PARVB: variants seen among roughly 807,000 people sequenced by gnomAD.
The protein encoded by PARVB is beta-parvin.
Under a neutral mutation model 47.0 loss-of-function variants are expected in PARVB, and 46 were observed. The observed-to-expected ratio is 0.98, with a 90% CI of 0.77 to 1.25. The LOEUF (loss-of-function observed/expected upper bound fraction) is 1.25, where lower values mean the gene tolerates loss of function less well. PARVB is among the 50% of genes most tolerant of loss of function. The probability of loss-of-function intolerance (pLI) is 0.00; values close to 1 mark genes in which losing one functional copy is unlikely to be tolerated. For synonymous variants in PARVB, 196 were observed against 196.3 expected (o/e 1.00, Z 0.01); for missense variants, 473 against 471.6 (o/e 1.00, Z -0.03).
intron 3 of PARVB, chr22:44,104,580 T>C (rs2052526662): frequency 6.6e-6 from 1 of 152,490 alleles, no homozygotes. Flanking sequence ...CTGGATTTGC[T>C]TGTGTTCATG....
chr22:44,051,275 A>G (rs1226465040), intron 1 of PARVB, among the ~76,000 whole-genome samples: 4 of 152,168 alleles, frequency 2.6e-5, no homozygotes, highest in Admixed American at 2.6e-4. Context: ...ACGAAGAGAG[A>G]AGGGGAGCCC....
At chr22:44,024,587 G>A in intron 1 of PARVB, 136 bp downstream of exon 1, 1 of 308,878 alleles carries the variant, frequency 3.2e-6, no homozygotes, top group Non-Finnish European at 5.1e-6. Flanking sequence ...CGACCTTCGG[G>A]ACAGGCCAGG....
At chr22:44,074,694 A>T (rs1174529232) in intron 1 of PARVB, among the ~76,000 whole-genome samples, 2 of 152,102 alleles carry the variant, frequency 1.3e-5, no homozygotes, top group African/African-American at 2.4e-5. Flanking sequence ...ACATTAGACA[A>T]TGTTCACTGC....
chr22:44,138,500 A>T (rs1238953613), intron 7 of PARVB, among the ~76,000 whole-genome samples: 1 of 152,166 alleles, frequency 6.6e-6, no homozygotes, highest in African/African-American at 2.4e-5. Context: ...AGGGCTGGTC[A>T]TCCCATCCTT....
rs1298106191 is a variant in PARVB at position 44,169,446 on chromosome 22, T to A, written c.*768T>A. On this transcript the variant is annotated 3_prime_UTR_variant, in exon 13 of 13. Coordinates refer to ENST00000338758, the MANE Select transcript of PARVB (RefSeq NM_013327.5). Reference sequence around the variant, plus strand: ...TGGAGATGGCTCTAATTGTGCTGCTTGAGACAGCTTGGGTCACAGCTTTCC... The same window carrying A: ...TGGAGATGGCTCTAATTGTGCTGCTAGAGACAGCTTGGGTCACAGCTTTCC... 3 of 150,218 alleles carry A rather than the reference T, an allele frequency of 2.0e-5. No individual in the cohort carries two copies. Among genetic ancestry groups the A allele is most frequent in the Middle Eastern group, 3.4e-3 (1 of 294 alleles). The allele number at this position is 150,218 out of a possible 1,614,324, so 9.3% of individuals were successfully genotyped here. A position where few individuals can be genotyped will look rare whatever the true frequency, so the allele number is the denominator to read the frequency against.
Position 44,125,304 on chromosome 22 carries a change from A to T in PARVB, c.376+6164A>T. ...AGAGACACAGTGGGAAACAAGAGAGATGAGCCCCGCACCCTGCGCCTGCCC... is the reference window on the plus strand; with the variant it reads ...AGAGACACAGTGGGAAACAAGAGAGTTGAGCCCCGCACCCTGCGCCTGCCC... On this transcript the variant is annotated intron_variant, in intron 4 of 12. Coordinates refer to ENST00000338758, the MANE Select transcript of PARVB (RefSeq NM_013327.5). The surrounding 1 kb of genome is among the most constrained non-coding windows in gnomAD (Gnocchi z 4.1). Among the ~76,000 whole-genome samples the T allele has an allele frequency of 6.6e-6, 1 of 152,186 alleles. No homozygotes were observed. The highest frequency in any genetic ancestry group is 1.9e-4 in the East Asian group (1 of 5,168).
intron 1 of PARVB, among the ~76,000 whole-genome samples, chr22:44,063,243 TTGAGATG>T (rs1437093933): frequency 6.6e-6 from 1 of 151,664 alleles, no homozygotes; most frequent in Admixed American, 6.6e-5. Flanking sequence ...TTTTTTTTTT[TTGAGATG>T]GAGTCTCGGT....
intron 1 of PARVB, among the ~76,000 whole-genome samples, chr22:44,064,331 C>G (rs1049673186): frequency 6.6e-6 from 1 of 152,202 alleles, no homozygotes; most frequent in South Asian, 2.1e-4. Flanking sequence ...AGGCATGCGC[C>G]GTGCCCAGGT....
chr22:44,025,809 A>G (rs1379171273), intron 1 of PARVB, among the ~76,000 whole-genome samples: 1 of 152,146 alleles, frequency 6.6e-6, no homozygotes, highest in Non-Finnish European at 1.5e-5. Context: ...TGCAACGATT[A>G]TAGACGCAAG....
chr22:44,151,372 A>G, intron 9 of PARVB, 111 bp from the exon 10 acceptor site: 2 of 769,704 alleles, frequency 2.6e-6, no homozygotes. Context: ...CAAACAGGAG[A>G]TGATGAAAGC....
chr22:44,089,233 C>G lies in PARVB; in HGVS notation c.113-4695C>G, dbSNP rs2052104423. 6.6e-6 allele frequency: 1 copy of G among 152,352 alleles called. No individual in the cohort carries two copies. Among genetic ancestry groups the G allele is most frequent in the African/African-American group, 2.4e-5 (1 of 41,460 alleles). 9.4% of individuals were successfully genotyped at this position (152,352 alleles called of 1,614,324 possible). A position where few individuals can be genotyped will look rare whatever the true frequency, so the allele number is the denominator to read the frequency against. The stretch of plus-strand genomic sequence containing the variant: ...GGTGGGAACGAGTTGGCATCGACTC[C>G]CTCGTGGCTGGCTGCTGGGTTTCGT... On this transcript the variant is annotated intron_variant, in intron 1 of 12. Transcript: ENST00000338758. The surrounding 1 kb of genome is among the most constrained non-coding windows in gnomAD (Gnocchi z 4.0).
At chr22:44,059,985 G>T (rs143156349) in intron 1 of PARVB, among the ~76,000 whole-genome samples, 1 of 152,104 alleles carries the variant, frequency 6.6e-6, no homozygotes, top group East Asian at 1.9e-4. Flanking sequence ...GGCGGAAAGG[G>T]CACTCTGAAA....
At chr22:44,142,765 G>A (rs886820957) in intron 8 of PARVB, 5 of 152,262 alleles carry the variant, frequency 3.3e-5, no homozygotes, top group Non-Finnish European at 7.3e-5. Flanking sequence ...CGATGGAATT[G>A]TTCTCGTTAC....
intron 4 of PARVB, 45 bp downstream of exon 4, chr22:44,119,185 G>A (rs1442897758): frequency 2.9e-6 from 4 of 1,355,954 alleles, no homozygotes; most frequent in African/African-American, 1.4e-5. Context: ...CCATCTCCCT[G>A]CAGCGGCCCT....
In PARVB at chr22:44,074,026, C is replaced by T. The variant is rs372920106; in HGVS notation, c.113-19902C>T. 2.0e-5 allele frequency among the ~76,000 whole-genome samples: 3 copies of T among 152,228 alleles called. No homozygotes were observed. The East Asian group carries it at 5.8e-4, about 29-fold the overall frequency. On this transcript the variant is annotated intron_variant, in intron 1 of 12. Transcript: ENST00000338758. ...GCTGGCTGGGCTCTGAGGATGCTGA[C>T]GAGGACCCTTCTTTGGGATCCTCTG...
At chr22:44,026,903 G>A (rs998154731) in intron 1 of PARVB, among the ~76,000 whole-genome samples, 1 of 152,132 alleles carries the variant, frequency 6.6e-6, no homozygotes. Flanking sequence ...GACAAGGCAC[G>A]GAGGGACTTT....
chr22:44,022,966 T>C (rs2146873359), upstream of PARVB, among the ~76,000 whole-genome samples: 1 of 151,794 alleles, frequency 6.6e-6, no homozygotes, highest in South Asian at 2.1e-4. Flanking sequence ...AGGCTGGTCT[T>C]GAACTCTTGA....
chr22:44,094,958 A>ATGGTG (rs2052265334), intron 2 of PARVB, among the ~76,000 whole-genome samples: 1 of 151,174 alleles, frequency 6.6e-6, no homozygotes. Context: ...GTGGCGTGGT[A>ATGGTG]TGGTGTGGCG....
At chr22:44,156,657 A>G (rs1343557882) in intron 10 of PARVB, among the ~76,000 whole-genome samples, 2 of 152,250 alleles carry the variant, frequency 1.3e-5, no homozygotes, top group African/African-American at 4.8e-5. Flanking sequence ...TGCACCTAAC[A>G]TGATTGAACT....
Sources: allele counts gnomAD v4.1 joint callset (sites outside exome capture counted in the v4.1 genomes callset), GRCh38; gene constraint gnomAD v4.1.1; non-coding constraint Gnocchi (gnomAD v3.1); transcripts MANE v1.5; gene names NCBI Gene and HGNC (gene_info 2026-07-23, HGNC 2026-07-21).